The following SETDB2 variants were observed in gnomAD, a reference collection of about 807,000 sequenced individuals.
SETDB2 encodes the protein SET domain bifurcated histone lysine methyltransferase 2, also known as histone-lysine N-methyltransferase SETDB2.
Under a neutral mutation model 82.5 loss-of-function variants are expected in SETDB2, and 56 were observed. The ratio of observed to expected loss-of-function variants is 0.68; its 90% confidence interval spans 0.55 to 0.85. SETDB2 has a LOEUF of 0.85. SETDB2 is among the 40% of genes least tolerant of loss of function. SETDB2 has a pLI of 0.00. For synonymous variants in SETDB2, 272 were observed against 284.9 expected, an observed-to-expected ratio of 0.95 and a Z score of 0.46; for missense variants, 677 against 816.4, an observed-to-expected ratio of 0.83 and a Z score of 2.08.
chr13:49,470,472 TAGC>T (rs1218738027), intron 5 of SETDB2, among the ~76,000 whole-genome samples: 1 of 152,232 alleles, frequency 6.6e-6, no homozygotes, highest in Admixed American at 6.5e-5. Flanking sequence ...TAAACCCTCT[TAGC>T]AGCCCAGTGG....
Position 49,476,829 on chromosome 13 carries a change from G to A in SETDB2, c.659G>A (p.Arg220Gln), listed in dbSNP as rs752504406. 16 of 1,613,816 alleles carry A rather than the reference G, an allele frequency of 9.9e-6. No individual in the cohort carries two copies. Among genetic ancestry groups the A allele is most frequent in the Non-Finnish European group, 1.4e-5 (16 of 1,179,960 alleles). The change falls in exon 6 of 14, where the codon CGG (arginine) becomes CAG (glutamine). Residue 220 changes from arginine to glutamine, a missense_variant. Physicochemically the swap from Arg to Gln is conservative, Grantham distance 43. Around this residue, in one of 3 missense-constraint regions of SETDB2, gnomAD observed 243 missense variants for 237.2 expected, o/e 1.02. Transcript: ENST00000611815. The stretch of plus-strand genomic sequence containing the variant: ...TTCAATACCTATGTTCAGTTGGCTC[G>A]GAATTACCCAAAGCAAAAAGAAGTT... Reference protein sequence around the residue: ...FSFNTYVQLARNYPKQKEVVS... With the variant: ...FSFNTYVQLAQNYPKQKEVVS...
rs143490662 is a variant in SETDB2 at position 49,457,591 on chromosome 13, G to A, written c.17-2516G>A. Among the ~76,000 whole-genome samples the A allele has an allele frequency of 1.1e-3, 165 of 151,878 alleles. 1 individual carries two copies. Among genetic ancestry groups the A allele is most frequent in the African/African-American group, 3.9e-3 (163 of 41,406 alleles). On this transcript the variant is annotated intron_variant, in intron 2 of 13. Coordinates refer to ENST00000611815, the MANE Select transcript of SETDB2 (RefSeq NM_001160308.3). ...TGGGACCACATGCGTGTGCCACCAC[G>A]CCCAGCTAACTTTTTTGTGTTTTTG...
intron 2 of SETDB2, among the ~76,000 whole-genome samples, chr13:49,458,841 C>T (rs1957941283): frequency 6.6e-6 from 1 of 152,210 alleles, no homozygotes; most frequent in Non-Finnish European, 1.5e-5. Flanking sequence ...CATGACTCCT[C>T]CCACTGCTAC....
rs968860958 is a variant in SETDB2, at chr13:49,492,642, T to C, written c.*793T>C. On this transcript the variant is annotated 3_prime_UTR_variant, in exon 14 of 14. Coordinates refer to ENST00000611815, the MANE Select transcript of SETDB2 (RefSeq NM_001160308.3). ...TGCTTATTTAGGCCAGAAGTAATTG[T>C]ACTGGGCAAAAATTTCACTTAAAAA... 4 of 152,174 alleles carry C rather than the reference T, an allele frequency of 2.6e-5. No homozygotes were observed. The highest frequency in any genetic ancestry group is 9.7e-5 in the African/African-American group (4 of 41,430). The allele number at this position is 152,174 out of a possible 1,614,324, so 9.4% of individuals were successfully genotyped here.
intron 10 of SETDB2, among the ~76,000 whole-genome samples, chr13:49,484,233 A>G (rs930691875): frequency 2.8e-4 from 43 of 152,228 alleles, no homozygotes; most frequent in African/African-American, 1.0e-3. Flanking sequence ...AAAAGGGACA[A>G]AGTAATTTAG....
chr13:49,483,253 C>T (rs1024486055), intron 9 of SETDB2, among the ~76,000 whole-genome samples: 28 of 152,124 alleles, frequency 1.8e-4, no homozygotes, highest in African/African-American at 6.5e-4. Flanking sequence ...GCAAAGTTTT[C>T]ATAGGTTCTC....
intron 2 of SETDB2, among the ~76,000 whole-genome samples, chr13:49,457,919 C>A (rs1337450225): frequency 6.6e-6 from 1 of 152,120 alleles, no homozygotes; most frequent in Non-Finnish European, 1.5e-5. Flanking sequence ...TCAATGTCCA[C>A]CTCTAATAAA....
intron 5 of SETDB2, among the ~76,000 whole-genome samples, chr13:49,476,192 A>G (rs1375950284): frequency 6.6e-6 from 1 of 152,166 alleles, no homozygotes; most frequent in Non-Finnish European, 1.5e-5. Flanking sequence ...AAGCTGAGGC[A>G]GGAGGATCAC....
intron 4 of SETDB2, among the ~76,000 whole-genome samples, chr13:49,461,709 T>C (rs962608582): frequency 6.6e-6 from 1 of 152,176 alleles, no homozygotes; most frequent in Admixed American, 6.5e-5. Flanking sequence ...CCAATGGATG[T>C]TGTATTCTAA....
At chr13:49,477,150 G>A (rs1407830654) in intron 6 of SETDB2, 111 bp downstream of exon 6, 46 of 1,036,758 alleles carry the variant, frequency 4.4e-5, no homozygotes, top group Non-Finnish European at 9.4e-6. Context: ...AAGAGTTACA[G>A]TAAGACTGGG....
chr13:49,470,966 C>CTTTTTT (rs55920370), intron 5 of SETDB2, among the ~76,000 whole-genome samples: 18 of 80,482 alleles, frequency 2.2e-4, no homozygotes, highest in African/African-American at 3.5e-4. Context: ...TTCTTTCTTT[C>CTTTTTT]TTTTTTTTTT....
chr13:49,454,135 A>G (rs931403587), intron 2 of SETDB2, among the ~76,000 whole-genome samples: 7 of 151,962 alleles, frequency 4.6e-5, no homozygotes, highest in Non-Finnish European at 7.4e-5. Context: ...AGAATTGTTA[A>G]CCCTTGACTG....
intron 8 of SETDB2, chr13:49,482,200 A>G (rs969475081): frequency 1.0e-6 from 1 of 985,464 alleles, no homozygotes; most frequent in East Asian, 1.1e-4. Flanking sequence ...ACAATGGGTA[A>G]GAATATCCTG....
intron 3 of SETDB2, 116 bp from the exon 4 acceptor site, chr13:49,460,981 T>C: frequency 1.4e-6 from 1 of 735,962 alleles, no homozygotes; most frequent in East Asian, 2.5e-5. Flanking sequence ...GATAGTCCTA[T>C]TAACCTCTCA....
Position 49,480,823 on chromosome 13 carries a change from G to A in SETDB2, c.987-124G>A, listed in dbSNP as rs148661321. ...TGTGGAAGCTGTGATGGGAACCCAG[G>A]CACTCTACCTCTAAGAGCTTTCACA... On this transcript the variant is annotated intron_variant, in intron 7 of 13. Transcript: ENST00000611815. 4 of 885,520 alleles carry A rather than the reference G, an allele frequency of 4.5e-6. No homozygotes were observed. In the East Asian group the frequency reaches 1.0e-4, roughly 22 times the overall value. The allele number at this position is 885,520 out of a possible 1,614,324, so 54.9% of individuals were successfully genotyped here.
In SETDB2 at chr13:49,455,652, A is replaced by T. The variant is rs530582403; in HGVS notation, c.16+3743A>T. The stretch of plus-strand genomic sequence containing the variant: ...ATTCTGTAGCTTGAATTTTGTCATT[A>T]GCAAGAAATATTGTTAGTTTTGTCC... On this transcript the variant is annotated intron_variant, in intron 2 of 13. Coordinates refer to ENST00000611815, the MANE Select transcript of SETDB2 (RefSeq NM_001160308.3). Among the ~76,000 whole-genome samples the T allele has an allele frequency of 4.5e-4, 69 of 152,280 alleles. 1 individual carries two copies. In the South Asian group the frequency reaches 6.2e-3, roughly 14 times the overall value.
chr13:49,482,057 A>G (rs551121683), intron 8 of SETDB2: 2 of 985,370 alleles, frequency 2.0e-6, no homozygotes, highest in South Asian at 9.4e-5. Flanking sequence ...TCCTGCCTAG[A>G]CGTTCATCTC....
chr13:49,477,162 G>A (rs756600379), intron 6 of SETDB2, 123 bp downstream of exon 6: 46 of 905,864 alleles, frequency 5.1e-5, no homozygotes, highest in African/African-American at 1.0e-4. Context: ...AAGACTGGGC[G>A]TGGTGGCCCA....
intron 6 of SETDB2, among the ~76,000 whole-genome samples, chr13:49,478,713 G>A (rs752199748): frequency 4.4e-4 from 67 of 152,236 alleles, no homozygotes; most frequent in South Asian, 6.2e-4. Context: ...CATCATTTGA[G>A]CCCAGGAGTT....
Sources: gnomAD v4.1 joint callset for allele counts (sites outside exome capture counted in the v4.1 genomes callset) on GRCh38, gnomAD v4.1.1 for gene constraint, gnomAD v4.1.1 regional missense constraint, MANE v1.5 for transcripts, NCBI Gene and HGNC (gene_info 2026-07-23, HGNC 2026-07-21) for gene names.